The following SLC44A5 variants were observed in gnomAD, a reference collection of about 807,000 sequenced individuals.
SLC44A5 encodes the protein choline transporter-like protein 5.
In SLC44A5, 57 loss-of-function variants were observed where a neutral mutation model predicts 101.8. That is an observed-to-expected ratio of 0.56 (90% CI 0.45 to 0.70). The LOEUF (loss-of-function observed/expected upper bound fraction) is 0.70. Among genes scored for constraint, SLC44A5 ranks in the 30% least tolerant of loss-of-function variants. SLC44A5 has a pLI of 0.00. For synonymous variants in SLC44A5, 281 were observed against 290.9 expected (o/e 0.97, Z 0.35); for missense variants, 737 against 853.1 (o/e 0.86, Z 1.70).
intron 5 of SLC44A5, among the ~76,000 whole-genome samples, chr1:75,283,995 T>A (rs1044748703): frequency 6.6e-6 from 1 of 152,162 alleles, no homozygotes; most frequent in African/African-American, 2.4e-5. Flanking sequence ...GGCTCCTTTT[T>A]GATTCCATAT....
chr1:75,388,185 C>T (rs1196698274), intron 3 of SLC44A5, among the ~76,000 whole-genome samples: 5 of 123,514 alleles, frequency 4.0e-5, no homozygotes, highest in African/African-American at 1.6e-4. Flanking sequence ...ACAATGTGCA[C>T]ATGTACCCTA....
chr1:75,427,039 C>T (rs1664353541), intron 2 of SLC44A5, among the ~76,000 whole-genome samples: 1 of 152,198 alleles, frequency 6.6e-6, no homozygotes, highest in African/African-American at 2.4e-5. Context: ...CCCAGCAGCC[C>T]TGCCGGCTAC....
chr1:75,367,074 C>A lies in SLC44A5; in HGVS notation c.53-27444G>T, dbSNP rs192296722. On this transcript the variant is annotated intron_variant, in intron 3 of 23. Coordinates refer to ENST00000370859, the MANE Select transcript of SLC44A5 (RefSeq NM_001130058.2). Reference sequence around the variant, plus strand: ...CTAGAGCTTTGCTAGTTTCCTTAGGCAGTGTCATGTTTGCTTAATTGTTTG... The same window carrying A: ...CTAGAGCTTTGCTAGTTTCCTTAGGAAGTGTCATGTTTGCTTAATTGTTTG... Among the ~76,000 whole-genome samples the A allele has an allele frequency of 9.8e-5, 15 of 152,304 alleles. No individual in the cohort carries two copies. The East Asian group carries it at 2.3e-3, about 23-fold the overall frequency.
the SLC44A5 span, among the ~76,000 whole-genome samples, chr1:75,666,515 G>A: frequency 2.0e-5 from 3 of 152,162 alleles, no homozygotes; most frequent in Non-Finnish European, 4.4e-5. Context: ...GAGGTACAAA[G>A]AGGAGCTGGT....
At chr1:75,673,932 A>G in the SLC44A5 span, among the ~76,000 whole-genome samples, 1 of 152,294 alleles carries the variant, frequency 6.6e-6, no homozygotes, top group Non-Finnish European at 1.5e-5. Context: ...ATACCTGGAA[A>G]GCCTTCTGAA....
intron 2 of SLC44A5, among the ~76,000 whole-genome samples, chr1:75,457,577 G>A (rs942349155): frequency 2.6e-5 from 4 of 152,300 alleles, no homozygotes; most frequent in Admixed American, 6.5e-5. Context: ...GTTCACCGAG[G>A]CCAGGTGCAG....
intron 4 of SLC44A5, among the ~76,000 whole-genome samples, chr1:75,325,969 T>C (rs539756540): frequency 6.6e-6 from 1 of 152,120 alleles, no homozygotes; most frequent in Non-Finnish European, 1.5e-5. Flanking sequence ...AAATAATAAA[T>C]GTAACCATCA....
At chr1:75,648,491 T>C in the SLC44A5 span, among the ~76,000 whole-genome samples, 34 of 152,302 alleles carry the variant, frequency 2.2e-4, no homozygotes, top group East Asian at 6.6e-3. Context: ...TCAGTGTTTC[T>C]GTATAATGTT....
At chr1:75,577,344 G>A (rs1673429714) in intron 1 of SLC44A5, among the ~76,000 whole-genome samples, 1 of 152,176 alleles carries the variant, frequency 6.6e-6, no homozygotes. Context: ...TACAAAATCA[G>A]GCCCTTTATT....
Position 75,251,129 on chromosome 1 carries a change from A to G in SLC44A5, c.345+81T>C. 3 of 1,105,904 alleles carry G rather than the reference A, an allele frequency of 2.7e-6. No homozygotes were observed. The Admixed American group carries it at 5.5e-5, about 20-fold the overall frequency. The allele number at this position is 1,105,904 out of a possible 1,614,324, so 68.5% of individuals were successfully genotyped here. On this transcript the variant is annotated intron_variant, in intron 7 of 23. Coordinates refer to ENST00000370859, the MANE Select transcript of SLC44A5 (RefSeq NM_001130058.2). ...CCCTGCCCACGCACACACACAGAGA[A>G]CTCAAATGGAATTTCTCAATTCTTT...
chr1:75,600,988 A>G (rs1674945922), intron 1 of SLC44A5, among the ~76,000 whole-genome samples: 1 of 152,192 alleles, frequency 6.6e-6, no homozygotes, highest in Non-Finnish European at 1.5e-5. Flanking sequence ...ATGAGAAACA[A>G]AATGAATCAA....
intron 4 of SLC44A5, among the ~76,000 whole-genome samples, chr1:75,316,630 A>G (rs778454005): frequency 2.6e-5 from 4 of 152,248 alleles, no homozygotes; most frequent in Non-Finnish European, 5.9e-5. Flanking sequence ...TATTTGTTAG[A>G]TAAATGAATG....
chr1:75,678,710 C>T, the SLC44A5 span, among the ~76,000 whole-genome samples: 1 of 151,700 alleles, frequency 6.6e-6, no homozygotes, highest in Non-Finnish European at 1.5e-5. Flanking sequence ...AGCGCCTCTC[C>T]TCCTCCAAAG....
At chr1:75,514,556 C>A (rs1423928692) in intron 2 of SLC44A5, among the ~76,000 whole-genome samples, 4 of 152,092 alleles carry the variant, frequency 2.6e-5, no homozygotes, top group African/African-American at 9.7e-5. Flanking sequence ...TCTCTTTCAC[C>A]AAAATAAATT....
At chr1:75,677,675 AC>A in the SLC44A5 span, 15 of 413,180 alleles carry the variant, frequency 3.6e-5, no homozygotes, top group Non-Finnish European at 7.1e-5. Flanking sequence ...CAATAAAAAA[AC>A]GTAGAGTAAC....
chr1:75,441,127 T>G lies in SLC44A5; in HGVS notation c.14-44506A>C, dbSNP rs112332682. Reference sequence around the variant, plus strand: ...GAATAAGATTTTAAATTATTTTAAATTAAGCATCTGTGGTAAGCTTACAAG... The same window carrying G: ...GAATAAGATTTTAAATTATTTTAAAGTAAGCATCTGTGGTAAGCTTACAAG... On this transcript the variant is annotated intron_variant, in intron 2 of 23. Coordinates refer to ENST00000370859, the MANE Select transcript of SLC44A5 (RefSeq NM_001130058.2). Among the ~76,000 whole-genome samples, 253 of 152,206 alleles carry G rather than the reference T, an allele frequency of 1.7e-3. 1 individual carries two copies. The highest frequency in any genetic ancestry group is 4.3e-3 in the Admixed American group (66 of 15,268).
chr1:75,658,080 GTTT>G, the SLC44A5 span, among the ~76,000 whole-genome samples: 1 of 140,144 alleles, frequency 7.1e-6, no homozygotes, highest in Non-Finnish European at 1.6e-5. Context: ...AAATCTTATG[GTTT>G]TTGTTGTTGT....
At chr1:75,385,320 T>C (rs1162945176) in intron 3 of SLC44A5, among the ~76,000 whole-genome samples, 1 of 145,202 alleles carries the variant, frequency 6.9e-6, no homozygotes, top group South Asian at 2.3e-4. Flanking sequence ...GCAAGACTAA[T>C]AAAGAAAAAA....
In SLC44A5 at chr1:75,341,839, C is replaced by G. The variant is rs17096770; in HGVS notation, c.53-2209G>C. Among the ~76,000 whole-genome samples the G allele has an allele frequency of 4.7e-3, 713 of 152,216 alleles. 51 individuals carry two copies. The East Asian group carries it at 0.12, about 26-fold the overall frequency. On this transcript the variant is annotated intron_variant, in intron 3 of 23. Coordinates refer to ENST00000370859, the MANE Select transcript of SLC44A5 (RefSeq NM_001130058.2). ...TAATCTGTCTGAATAGCTGAAATAG[C>G]TCAAAAACTTTTAGGGGTACAAGAT...
Sources: allele counts gnomAD v4.1 joint callset (sites outside exome capture counted in the v4.1 genomes callset), GRCh38; gene constraint gnomAD v4.1.1; transcripts MANE v1.5; gene names NCBI Gene and HGNC (gene_info 2026-07-23, HGNC 2026-07-21).